Variants in NEDD4L observed in about 807,000 individuals in gnomAD.
NEDD4L encodes NEDD4 like E3 ubiquitin protein ligase, also known as E3 ubiquitin-protein ligase NEDD4-like.
Under a neutral mutation model 148.9 loss-of-function variants are expected in NEDD4L, and 54 were observed. That is an observed-to-expected ratio of 0.36 (90% CI 0.29 to 0.45). The LOEUF (loss-of-function observed/expected upper bound fraction) is 0.45, where lower values mean the gene tolerates loss of function less well. Among genes scored for constraint, NEDD4L ranks in the 20% least tolerant of loss-of-function variants. The pLI is 1.00. For synonymous variants in NEDD4L, 433 were observed against 440.7 expected (o/e 0.98, Z 0.22); for missense variants, 856 against 1,233.8 (o/e 0.69, Z 4.59).
At chr18:58,209,998 C>G (rs1034205050) in intron 2 of NEDD4L, among the ~76,000 whole-genome samples, 3 of 151,984 alleles carry the variant, frequency 2.0e-5, no homozygotes, top group Admixed American at 6.6e-5. Context: ...GAAACCCATC[C>G]ATACTAAAAA....
chr18:58,224,828 C>T (rs983905930), intron 2 of NEDD4L, among the ~76,000 whole-genome samples: 1 of 152,096 alleles, frequency 6.6e-6, no homozygotes, highest in South Asian at 2.1e-4. Flanking sequence ...TTCCTTAAGT[C>T]AGATTGTTCT....
At chr18:58,243,268 C>T (rs1032961406) in intron 2 of NEDD4L, among the ~76,000 whole-genome samples, 1 of 152,186 alleles carries the variant, frequency 6.6e-6, no homozygotes, top group South Asian at 2.1e-4. Context: ...TGTGTGTGCA[C>T]GTGTGTTCTG....
At chr18:58,345,193 C>T (rs488121) in intron 16 of NEDD4L, among the ~76,000 whole-genome samples, 1 of 152,216 alleles carries the variant, frequency 6.6e-6, no homozygotes, top group Non-Finnish European at 1.5e-5. Context: ...AAGGTAACAA[C>T]TGGAAATTCC....
chr18:58,208,516 C>T (rs955893998), intron 2 of NEDD4L, among the ~76,000 whole-genome samples: 1 of 152,154 alleles, frequency 6.6e-6, no homozygotes, highest in Non-Finnish European at 1.5e-5. Flanking sequence ...TTTTCAAGTT[C>T]CCCAGGCCAG....
At chr18:58,295,909 CAG>C (rs36056251) in intron 5 of NEDD4L, among the ~76,000 whole-genome samples, 3,369 of 152,170 alleles carry the variant, frequency 0.022, 111 homozygotes, top group African/African-American at 0.074. Flanking sequence ...TTGTTTTAAG[CAG>C]AGTTTTGAAG....
intron 5 of NEDD4L, among the ~76,000 whole-genome samples, chr18:58,292,680 T>C (rs946747304): frequency 2.6e-5 from 4 of 152,264 alleles, no homozygotes; most frequent in African/African-American, 9.6e-5. Flanking sequence ...TTATGCCTTT[T>C]CTCATCCCCT....
intron 1 of NEDD4L, among the ~76,000 whole-genome samples, chr18:58,093,758 C>T (rs184902252): frequency 5.8e-4 from 88 of 152,320 alleles, no homozygotes; most frequent in Non-Finnish European, 8.8e-5. Flanking sequence ...ACTCTCCAAC[C>T]ATCATAAATA....
chr18:58,146,471 G>T (rs980185028), intron 1 of NEDD4L, among the ~76,000 whole-genome samples: 5 of 152,162 alleles, frequency 3.3e-5, no homozygotes, highest in African/African-American at 1.2e-4. Flanking sequence ...AGAGGGGATG[G>T]TTACTAGGGT....
At chr18:58,215,266 T>C (rs534731603) in intron 2 of NEDD4L, among the ~76,000 whole-genome samples, 1 of 152,348 alleles carries the variant, frequency 6.6e-6, no homozygotes, top group East Asian at 1.9e-4. Flanking sequence ...CTGTAGTGGT[T>C]GATGAGAGTA....
At chr18:58,325,420 C>T (rs559785337) in intron 9 of NEDD4L, among the ~76,000 whole-genome samples, 2 of 152,182 alleles carry the variant, frequency 1.3e-5, no homozygotes, top group Non-Finnish European at 2.9e-5. Context: ...TCTTTTATGT[C>T]GATTCCTGAA....
At chr18:58,185,842 C>T (rs901734023) in intron 2 of NEDD4L, among the ~76,000 whole-genome samples, 3 of 151,136 alleles carry the variant, frequency 2.0e-5, no homozygotes, top group African/African-American at 7.3e-5. Context: ...CATTGCACTC[C>T]AGGCTGGGCA....
At chr18:58,271,881 T>C (rs1183312783) in intron 5 of NEDD4L, among the ~76,000 whole-genome samples, 1 of 152,210 alleles carries the variant, frequency 6.6e-6, no homozygotes. Context: ...TTCTCTCTAA[T>C]CTAATCTCTG....
chr18:58,165,665 G>A (rs1367988960), intron 1 of NEDD4L, 123 bp from the exon 2 acceptor site: 5 of 1,525,930 alleles, frequency 3.3e-6, no homozygotes, highest in Non-Finnish European at 4.4e-6. Context: ...GCTTATGCTC[G>A]AATTGATTTG....
At chr18:58,152,461 A>G (rs1301792757) in intron 1 of NEDD4L, among the ~76,000 whole-genome samples, 1 of 152,222 alleles carries the variant, frequency 6.6e-6, no homozygotes, top group Non-Finnish European at 1.5e-5. Context: ...CTTCTCACAC[A>G]TTTCCATCCA....
At chr18:58,379,354 C>A (rs141954774) in intron 24 of NEDD4L, among the ~76,000 whole-genome samples, 1 of 152,252 alleles carries the variant, frequency 6.6e-6, no homozygotes, top group African/African-American at 2.4e-5. Flanking sequence ...CCCTGTGTGA[C>A]GCTGCCCCGA....
At chr18:58,329,266 C>T (rs562414803) in intron 10 of NEDD4L, 139 bp downstream of exon 10, 15 of 984,954 alleles carry the variant, frequency 1.5e-5, no homozygotes, top group South Asian at 1.2e-4. Context: ...GAATTAATTA[C>T]CATCTGAATA....
At chr18:58,054,567 G>C (rs750882565) in intron 1 of NEDD4L, 1 of 181,266 alleles carries the variant, frequency 5.5e-6, no homozygotes. Flanking sequence ...CACCGCACTC[G>C]AGTCTGGGCA....
chr18:58,130,479 G>T (rs71355679), intron 1 of NEDD4L, among the ~76,000 whole-genome samples: 1 of 121,636 alleles, frequency 8.2e-6, no homozygotes, highest in Non-Finnish European at 1.7e-5. Flanking sequence ...GAACTGTGGC[G>T]GTGTTGGGCT....
chr18:58,180,381 C>T (rs991995850), intron 2 of NEDD4L, among the ~76,000 whole-genome samples: 7 of 151,770 alleles, frequency 4.6e-5, no homozygotes, highest in South Asian at 4.2e-4. Flanking sequence ...TAGCACATGG[C>T]GCTAAGATTC....
Sources: allele counts gnomAD v4.1 joint callset (sites outside exome capture counted in the v4.1 genomes callset), GRCh38; gene constraint gnomAD v4.1.1; transcripts MANE v1.5; gene names NCBI Gene and HGNC (gene_info 2026-07-23, HGNC 2026-07-21).